KCNK10: variants seen among roughly 807,000 people sequenced by gnomAD.
The protein encoded by KCNK10 is potassium two pore domain channel subfamily K member 10.
In KCNK10, 25 loss-of-function variants were observed where a neutral mutation model predicts 47.7. That is an observed-to-expected ratio of 0.52 (90% CI 0.38 to 0.73). The LOEUF (loss-of-function observed/expected upper bound fraction) is 0.73, where lower values mean the gene tolerates loss of function less well. Ranked by LOEUF, KCNK10 falls within the 30% of genes least tolerant of loss-of-function variation. KCNK10 has a pLI of 0.00. For synonymous variants in KCNK10, 303 were observed against 285.6 expected, an observed-to-expected ratio of 1.06 and a Z score of -0.61; for missense variants, 563 against 714.5, an observed-to-expected ratio of 0.79 and a Z score of 2.42.
rs766025991 is a variant in KCNK10 at position 88,260,370 on chromosome 14, C to T, written c.402+2832G>A. On this transcript the variant is annotated intron_variant, in intron 2 of 6. Transcript: ENST00000319231. The surrounding 1 kb of genome is among the most constrained non-coding windows in gnomAD (Gnocchi z 4.5). ...TGATTGTAAGTTTCCTGAAGCCTCCCAAGCCATGCTTCCTGCACAGCCTGC... is the reference window on the plus strand; with the variant it reads ...TGATTGTAAGTTTCCTGAAGCCTCCTAAGCCATGCTTCCTGCACAGCCTGC... Among the ~76,000 whole-genome samples the T allele has an allele frequency of 1.3e-5, 2 of 152,226 alleles. No individual in the cohort carries two copies. The highest frequency in any genetic ancestry group is 2.9e-5 in the Non-Finnish European group (2 of 68,040).
At chr14:88,297,765 C>G (rs888562974) in intron 1 of KCNK10, among the ~76,000 whole-genome samples, 1 of 152,088 alleles carries the variant, frequency 6.6e-6, no homozygotes, top group South Asian at 2.1e-4. Context: ...TCAGGATTGG[C>G]GCATTTCATC....
chr14:88,299,865 T>TG (rs1888059748), intron 1 of KCNK10, among the ~76,000 whole-genome samples: 1 of 152,184 alleles, frequency 6.6e-6, no homozygotes, highest in Non-Finnish European at 1.5e-5. Flanking sequence ...GTGACACAGC[T>TG]GATATCTAAA....
At chr14:88,218,185 A>G (rs1427308622) in intron 4 of KCNK10, among the ~76,000 whole-genome samples, 4 of 152,112 alleles carry the variant, frequency 2.6e-5, no homozygotes, top group Non-Finnish European at 4.4e-5. Context: ...TTTTAAGTTA[A>G]CCCTTTTGCT....
intron 2 of KCNK10, among the ~76,000 whole-genome samples, chr14:88,258,813 T>C (rs1275377030): frequency 6.6e-6 from 1 of 152,206 alleles, no homozygotes; most frequent in Non-Finnish European, 1.5e-5. Flanking sequence ...GTGGTCTTAC[T>C]TGTTGGAAAA....
chr14:88,251,639 C>T (rs541668895), intron 2 of KCNK10, among the ~76,000 whole-genome samples: 10 of 152,326 alleles, frequency 6.6e-5, no homozygotes, highest in South Asian at 2.1e-4. Flanking sequence ...TGGGTTTATA[C>T]GAAGAACCAA....
chr14:88,198,597 G>C (rs1467627019), intron 4 of KCNK10, among the ~76,000 whole-genome samples: 7 of 152,184 alleles, frequency 4.6e-5, no homozygotes, highest in Non-Finnish European at 1.0e-4. Context: ...CAGTGCACAG[G>C]AGTGAAGGCA....
intron 1 of KCNK10, among the ~76,000 whole-genome samples, chr14:88,305,212 A>G (rs1383529681): frequency 6.6e-6 from 1 of 151,784 alleles, no homozygotes; most frequent in Non-Finnish European, 1.5e-5. Context: ...AAAAAAAAAG[A>G]AGAAGAAGAA....
chr14:88,261,418 C>CA (rs747168105), intron 2 of KCNK10, among the ~76,000 whole-genome samples: 175 of 152,276 alleles, frequency 1.1e-3, no homozygotes, highest in Admixed American at 2.7e-3. Context: ...CTGATTAGTA[C>CA]AAAAATCTCA....
At chr14:88,295,241 G>A (rs1165661067) in intron 1 of KCNK10, among the ~76,000 whole-genome samples, 1 of 152,192 alleles carries the variant, frequency 6.6e-6, no homozygotes, top group Admixed American at 6.5e-5. Context: ...ATTAGAAACA[G>A]GCATAGGTGA....
intron 4 of KCNK10, among the ~76,000 whole-genome samples, chr14:88,220,593 G>A (rs150483556): frequency 9.5e-4 from 127 of 134,026 alleles, no homozygotes; most frequent in African/African-American, 3.7e-3. Context: ...GAGCAAAGGC[G>A]ACAACATGGA....
intron 2 of KCNK10, among the ~76,000 whole-genome samples, chr14:88,246,775 G>C (rs923963901): frequency 9.9e-5 from 15 of 152,180 alleles, no homozygotes; most frequent in Non-Finnish European, 2.2e-4. Flanking sequence ...ATTCAGCCTT[G>C]CAAGCTGTTC....
At chr14:88,318,272 C>T (rs1191917166) in intron 1 of KCNK10, among the ~76,000 whole-genome samples, 1 of 152,224 alleles carries the variant, frequency 6.6e-6, no homozygotes, top group African/African-American at 2.4e-5. Context: ...ATCCTGCCAA[C>T]CTTCCATTCA....
chr14:88,235,372 G>A, intron 3 of KCNK10: 3 of 384,096 alleles, frequency 7.8e-6, no homozygotes, highest in Non-Finnish European at 1.0e-5. Flanking sequence ...ACTTACCAAT[G>A]GATGGAAAGA....
intron 4 of KCNK10, among the ~76,000 whole-genome samples, chr14:88,201,889 G>A (rs1303231938): frequency 6.6e-6 from 1 of 152,202 alleles, no homozygotes; most frequent in African/African-American, 2.4e-5. Flanking sequence ...GCATCCCAAG[G>A]CTGTGACTCC....
intron 1 of KCNK10, among the ~76,000 whole-genome samples, chr14:88,269,499 A>T (rs1405431238): frequency 6.6e-6 from 1 of 152,228 alleles, no homozygotes; most frequent in Non-Finnish European, 1.5e-5. Flanking sequence ...GTGCAGTGGC[A>T]CAATTATAGC....
At chr14:88,226,000 A>C (rs1038553199) in intron 4 of KCNK10, among the ~76,000 whole-genome samples, 8 of 152,226 alleles carry the variant, frequency 5.3e-5, no homozygotes. Flanking sequence ...AGTAAAACTC[A>C]CACACCACAG....
At chr14:88,275,369 A>G (rs2139766860) in intron 1 of KCNK10, among the ~76,000 whole-genome samples, 1 of 152,142 alleles carries the variant, frequency 6.6e-6, no homozygotes, top group East Asian at 1.9e-4. Context: ...AGCATCCCAC[A>G]CACAACCCAG....
rs776528491 is a variant in KCNK10 at position 88,192,250 on chromosome 14, G to A, written c.842C>T (p.Thr281Met). 20 of 1,613,402 alleles carry A rather than the reference G, an allele frequency of 1.2e-5. No homozygotes were observed. The highest frequency in any genetic ancestry group is 1.6e-5 in the Non-Finnish European group (19 of 1,179,792). The change falls in exon 5 of 7, where the codon ACG becomes ATG. Residue 281 changes from threonine to methionine, a missense_variant. By Grantham distance (81) the Thr-to-Met change is moderately conservative (BLOSUM62 -1). Transcript: ENST00000319231. ...TGCCACAAAATCACCAAAGCCCACC[G>A]TGGTCAGAGTGACCACCACAAAGTA... ...SIYFVVVTLT[T>M]VGFGDFVAGG...
intron 4 of KCNK10, among the ~76,000 whole-genome samples, chr14:88,193,628 G>C (rs117775311): frequency 2.6e-5 from 4 of 152,156 alleles, no homozygotes; most frequent in Non-Finnish European, 5.9e-5. Context: ...TCCGTACCAT[G>C]AGACCTGCAT....
Sources: gnomAD v4.1 joint callset for allele counts (sites outside exome capture counted in the v4.1 genomes callset) on GRCh38, gnomAD v4.1.1 for gene constraint, Gnocchi (gnomAD v3.1) non-coding constraint, MANE v1.5 for transcripts, NCBI Gene and HGNC (gene_info 2026-07-23, HGNC 2026-07-21) for gene names.